Variants in KALRN observed in about 807,000 individuals in gnomAD.
KALRN encodes kalirin RhoGEF kinase.
Under a neutral mutation model 353.7 loss-of-function variants are expected in KALRN, and 70 were observed. The observed-to-expected ratio is 0.20, with a 90% CI of 0.16 to 0.24. The LOEUF (loss-of-function observed/expected upper bound fraction) is 0.24, where lower values mean the gene tolerates loss of function less well. KALRN is among the 10% of genes least tolerant of loss of function. KALRN has a pLI of 1.00. For synonymous variants in KALRN, 1,391 were observed against 1,434.8 expected, an observed-to-expected ratio of 0.97 and a Z score of 0.69; for missense variants, 2,791 against 3,756.7, an observed-to-expected ratio of 0.74 and a Z score of 6.72.
chr3:124,171,822 G>A (rs2071886897), intron 1 of KALRN, among the ~76,000 whole-genome samples: 1 of 152,190 alleles, frequency 6.6e-6, no homozygotes, highest in Non-Finnish European at 1.5e-5. Context: ...TTTAATAACT[G>A]CAAGCAGTTG....
intron 7 of KALRN, among the ~76,000 whole-genome samples, chr3:124,329,626 G>A (rs1441730189): frequency 2.6e-5 from 4 of 152,108 alleles, no homozygotes; most frequent in Admixed American, 6.6e-5. Flanking sequence ...GCCACCTACA[G>A]TTTCATAATA....
At chr3:124,605,613 G>C (rs2077266378) in intron 34 of KALRN, among the ~76,000 whole-genome samples, 1 of 103,092 alleles carries the variant, frequency 9.7e-6, no homozygotes, top group Non-Finnish European at 2.0e-5. Flanking sequence ...GGTGCATTAA[G>C]ATAGTTTCAT....
intron 2 of KALRN, among the ~76,000 whole-genome samples, chr3:124,232,716 G>T (rs1385272519): frequency 6.6e-6 from 1 of 152,110 alleles, no homozygotes; most frequent in African/African-American, 2.4e-5. Flanking sequence ...ACTTCTGGAT[G>T]TGGGGAATTA....
chr3:124,298,906 A>G lies in KALRN; in HGVS notation c.1085A>G (p.Asn362Ser). Residue 362 changes from asparagine (N) to serine (S), a missense_variant, in exon 6 of 60, where the codon AAC (asparagine) becomes AGC (serine). By Grantham distance (46) the Asn-to-Ser change is conservative. Around this residue, in one of 11 missense-constraint regions of KALRN, gnomAD observed 366 missense variants for 489.2 expected, o/e 0.75. Transcript: ENST00000682506. ...LQTQHNHFAM[N>S]SMNAYVNINR... ...ACGCAGCACAATCACTTTGCCATGA[A>G]CTCCATGGTGAGCTGAGGGGCTGTT... 2 of 1,614,062 alleles carry G rather than the reference A, an allele frequency of 1.2e-6. No individual in the cohort carries two copies. The highest frequency in any genetic ancestry group is 1.7e-6 in the Non-Finnish European group (2 of 1,179,984).
chr3:124,642,672 C>G (rs2149987836), intron 37 of KALRN, among the ~76,000 whole-genome samples: 1 of 152,102 alleles, frequency 6.6e-6, no homozygotes, highest in South Asian at 2.1e-4. Context: ...TTGTCAATAG[C>G]CGGGTGGAGT....
chr3:124,525,805 A>C (rs2067540251), intron 33 of KALRN, among the ~76,000 whole-genome samples: 1 of 152,180 alleles, frequency 6.6e-6, no homozygotes, highest in African/African-American at 2.4e-5. Context: ...TTCAACCAAC[A>C]AACTTGTAGG....
intron 28 of KALRN, among the ~76,000 whole-genome samples, chr3:124,485,040 G>A (rs2062403062): frequency 6.6e-6 from 1 of 152,108 alleles, no homozygotes; most frequent in Non-Finnish European, 1.5e-5. Context: ...AGGCTGCAGT[G>A]AGCCAATATC....
In KALRN at chr3:124,106,288, T is replaced by C. The variant is rs374869757; in HGVS notation, c.73+72475T>C. Among the ~76,000 whole-genome samples the C allele has an allele frequency of 1.2e-4, 19 of 152,306 alleles. No homozygotes were observed. In the East Asian group the frequency reaches 1.7e-3, roughly 14 times the overall value. ...AAATGCAGTTCAGATGGTCCTGATA[T>C]TCTTAAAAAAGAACAGGCAGTGTCA... On this transcript the variant is annotated intron_variant, in intron 1 of 59. Coordinates refer to ENST00000682506, the MANE Select transcript of KALRN (RefSeq NM_001388419.1).
intron 34 of KALRN, among the ~76,000 whole-genome samples, chr3:124,630,452 A>G (rs2080641284): frequency 6.6e-6 from 1 of 152,086 alleles, no homozygotes; most frequent in Non-Finnish European, 1.5e-5. Context: ...GCTGGAGTGC[A>G]GTGGTGCGAT....
chr3:124,117,219 AG>A, intron 1 of KALRN, among the ~76,000 whole-genome samples: 1 of 152,194 alleles, frequency 6.6e-6, no homozygotes, highest in East Asian at 1.9e-4. Flanking sequence ...GAGGGAGAGA[AG>A]GGGGGACTGG....
intron 3 of KALRN, among the ~76,000 whole-genome samples, chr3:124,236,005 G>A (rs910353859): frequency 6.6e-6 from 1 of 152,202 alleles, no homozygotes; most frequent in East Asian, 1.9e-4. Context: ...GAATGTAAAG[G>A]AGTGGTTGGG....
At position 124,667,089 on chromosome 3, in the gene KALRN, G is replaced by C; in HGVS notation, c.6609G>C (p.Glu2203Asp). The change falls in exon 47 of 60, where the codon GAG (glutamate) becomes GAC (aspartate). Residue 2203 changes from glutamate (E) to aspartate (D), a missense_variant. Glu to Asp is a conservative substitution (Grantham distance 45). Coordinates refer to ENST00000682506, the MANE Select transcript of KALRN (RefSeq NM_001388419.1). ...CACTCATGAACAGAGAGACTTCTGA[G>C]AGGGTTGTTCTGCAAGCCGCCAACG... Reference protein sequence around the residue: ...KFALMNRETSERVVLQAANAD... With the variant: ...KFALMNRETSDRVVLQAANAD... 1 of 1,614,250 alleles carries C rather than the reference G, an allele frequency of 6.2e-7. No individual in the cohort carries two copies. Among genetic ancestry groups the C allele is most frequent in the Non-Finnish European group, 8.5e-7 (1 of 1,180,044 alleles).
chr3:124,491,090 C>T (rs777856775), intron 30 of KALRN, among the ~76,000 whole-genome samples: 3 of 152,178 alleles, frequency 2.0e-5, no homozygotes, highest in African/African-American at 7.2e-5. Context: ...TTTCTGTTTG[C>T]TTTTAGCACC....
chr3:124,372,622 T>A (rs1039085989), intron 10 of KALRN, among the ~76,000 whole-genome samples: 15 of 151,984 alleles, frequency 9.9e-5, no homozygotes, highest in Admixed American at 3.3e-4. Context: ...TTTATTTTTT[T>A]ATTTATTATT....
chr3:124,448,644 C>T (rs2058475286), intron 21 of KALRN, among the ~76,000 whole-genome samples: 1 of 152,120 alleles, frequency 6.6e-6, no homozygotes, highest in African/African-American at 2.4e-5. Flanking sequence ...GAGCCTCCTC[C>T]TCTATGATCC....
intron 18 of KALRN, among the ~76,000 whole-genome samples, chr3:124,440,241 C>G (rs1036208992): frequency 1.3e-5 from 2 of 151,934 alleles, no homozygotes; most frequent in Admixed American, 6.6e-5. Flanking sequence ...TTAAGTAGAG[C>G]ATATAAAAAT....
chr3:124,332,191 C>T (rs967233965), intron 8 of KALRN, among the ~76,000 whole-genome samples: 9 of 152,102 alleles, frequency 5.9e-5, no homozygotes, highest in African/African-American at 1.7e-4. Flanking sequence ...TGCACTCTAC[C>T]GCAGCACCCC....
intron 33 of KALRN, chr3:124,519,978 G>A (rs537901000): frequency 2.8e-5 from 17 of 609,102 alleles, no homozygotes; most frequent in African/African-American, 2.2e-4. Context: ...TGCAATGAGC[G>A]TGTGTCCGGC....
At chr3:124,276,653 G>A (rs185350918) in intron 5 of KALRN, among the ~76,000 whole-genome samples, 661 of 152,216 alleles carry the variant, frequency 4.3e-3, no homozygotes, top group Non-Finnish European at 5.6e-3. Context: ...AATTCTTTTC[G>A]GAATGTTCAA....
Sources: allele counts gnomAD v4.1 joint callset (sites outside exome capture counted in the v4.1 genomes callset), GRCh38; gene constraint gnomAD v4.1.1; regional missense constraint gnomAD v4.1.1; transcripts MANE v1.5; gene names NCBI Gene and HGNC (gene_info 2026-07-23, HGNC 2026-07-21).